The following CDH18 variants were observed in gnomAD, a reference collection of about 807,000 sequenced individuals.
The protein encoded by CDH18 is cadherin 18.
Under a neutral mutation model 67.9 loss-of-function variants are expected in CDH18, and 31 were observed. The ratio of observed to expected loss-of-function variants is 0.46; its 90% CI spans 0.34 to 0.62. CDH18 has a LOEUF of 0.62. Ranked by LOEUF, CDH18 falls within the 20% of genes least tolerant of loss-of-function variation. The pLI is 0.01. For synonymous variants in CDH18, 362 were observed against 347.2 expected (o/e 1.04, Z -0.48); for missense variants, 890 against 975.5 (o/e 0.91, Z 1.17).
chr5:19,803,255 T>G (rs191139317), intron 3 of CDH18, among the ~76,000 whole-genome samples: 1 of 152,340 alleles, frequency 6.6e-6, no homozygotes, highest in Admixed American at 6.5e-5. Flanking sequence ...GAGTTAGGTA[T>G]TAGATTCATA....
chr5:20,128,595 A>C (rs6451677), intron 2 of CDH18, among the ~76,000 whole-genome samples: 1 of 151,854 alleles, frequency 6.6e-6, no homozygotes, highest in Non-Finnish European at 1.5e-5. Context: ...ACATTTCTCT[A>C]TCTCTGACAC....
chr5:20,480,173 G>A (rs1269100144), intron 1 of CDH18, among the ~76,000 whole-genome samples: 4 of 152,176 alleles, frequency 2.6e-5, no homozygotes, highest in Admixed American at 6.5e-5. Context: ...ATATTTATGA[G>A]CAATAAGAAA....
At chr5:20,319,364 G>A (rs962953375) in intron 1 of CDH18, among the ~76,000 whole-genome samples, 1 of 151,908 alleles carries the variant, frequency 6.6e-6, no homozygotes, top group African/African-American at 2.4e-5. Flanking sequence ...ATACCTTTTT[G>A]ATTCAATTTC....
chr5:20,362,261 C>G (rs1742147432), intron 1 of CDH18, among the ~76,000 whole-genome samples: 1 of 152,080 alleles, frequency 6.6e-6, no homozygotes, highest in Admixed American at 6.5e-5. Context: ...ACATAGTACA[C>G]TGTGGCACAG....
In CDH18 at chr5:20,524,301, A is replaced by G. The variant is rs555576092; in HGVS notation, c.-580+51161T>C. On this transcript the variant is annotated intron_variant, in intron 1 of 14. Coordinates refer to the CDH18 transcript ENST00000507958. ...AATTAGTTTTCTTAGATTCAGATAT[A>G]TCTTTAAACACAGGACAATAACCAT... Among the ~76,000 whole-genome samples the G allele has an allele frequency of 6.1e-4, 93 of 152,306 alleles. 2 individuals carry two copies. Among genetic ancestry groups the G allele is most frequent in the African/African-American group, 2.2e-3 (92 of 41,588 alleles).
chr5:19,729,972 G>C (rs1310182108), intron 4 of CDH18, among the ~76,000 whole-genome samples: 1 of 151,708 alleles, frequency 6.6e-6, no homozygotes, highest in South Asian at 2.1e-4. Context: ...CAATCTCTCT[G>C]TCTCTGCCTT....
chr5:20,514,111 TCTA>T (rs1315248658), intron 1 of CDH18, among the ~76,000 whole-genome samples: 1 of 152,172 alleles, frequency 6.6e-6, no homozygotes. Context: ...TAAATTATTC[TCTA>T]CTGTTTTTAA....
chr5:20,161,940 G>A (rs1476931813), intron 2 of CDH18, among the ~76,000 whole-genome samples: 1 of 151,878 alleles, frequency 6.6e-6, no homozygotes, highest in Non-Finnish European at 1.5e-5. Flanking sequence ...AATTCTCAGT[G>A]ATTTTTTTTT....
intron 2 of CDH18, among the ~76,000 whole-genome samples, chr5:20,158,184 G>A (rs55837305): frequency 0.051 from 7,742 of 152,194 alleles, 230 homozygotes; most frequent in East Asian, 0.14. Context: ...TCATGTTGGA[G>A]TTGATTTCTA....
intron 9 of CDH18, among the ~76,000 whole-genome samples, chr5:19,540,149 G>A (rs539093363): frequency 3.6e-4 from 55 of 152,230 alleles, no homozygotes; most frequent in African/African-American, 1.1e-3. Context: ...AAAATTGGCC[G>A]AAACAAAGGG....
chr5:20,547,287 G>T (rs1358907594), intron 1 of CDH18, among the ~76,000 whole-genome samples: 2 of 152,036 alleles, frequency 1.3e-5, no homozygotes, highest in African/African-American at 4.8e-5. Context: ...AAACTGGCCA[G>T]GCATGGTGCT....
At chr5:19,910,433 T>C (rs1201979965) in intron 2 of CDH18, among the ~76,000 whole-genome samples, 4 of 152,176 alleles carry the variant, frequency 2.6e-5, no homozygotes. Context: ...TGTGGAGATT[T>C]AGCTGCTTTT....
chr5:20,480,194 GT>G (rs1167904684), intron 1 of CDH18, among the ~76,000 whole-genome samples: 4 of 152,066 alleles, frequency 2.6e-5, no homozygotes, highest in Non-Finnish European at 4.4e-5. Context: ...GTATTTGAAG[GT>G]AAAAATCACA....
Position 20,231,523 on chromosome 5 carries a change from C to T in CDH18, c.-518+23921G>A, listed in dbSNP as rs142439345. The stretch of plus-strand genomic sequence containing the variant: ...CTGAGACAGGAGAATCTCTTGAACC[C>T]GGGAGGCGGAGGTTGCAGTGAGCCA... On this transcript the variant is annotated intron_variant, in intron 2 of 14. Transcript: ENST00000507958. Among the ~76,000 whole-genome samples the T allele has an allele frequency of 5.7e-3, 860 of 151,662 alleles. 9 individuals are homozygous for T. Among genetic ancestry groups the T allele is most frequent in the African/African-American group, 0.02 (817 of 41,346 alleles).
At chr5:19,698,465 C>A (rs1762815528) in intron 5 of CDH18, among the ~76,000 whole-genome samples, 1 of 151,924 alleles carries the variant, frequency 6.6e-6, no homozygotes. Flanking sequence ...ATATCAAAAG[C>A]TAATTTGGCT....
At chr5:19,520,096 C>T (rs1746654372) in intron 10 of CDH18, among the ~76,000 whole-genome samples, 1 of 152,140 alleles carries the variant, frequency 6.6e-6, no homozygotes, top group African/African-American at 2.4e-5. Flanking sequence ...TTGCTATAGG[C>T]AACCAGCCTT....
Position 20,567,190 on chromosome 5 carries a change from T to C in CDH18, c.-580+8272A>G, listed in dbSNP as rs139039204. Among the ~76,000 whole-genome samples, 471 of 152,256 alleles carry C rather than the reference T, an allele frequency of 3.1e-3. 1 individual carries two copies. Among genetic ancestry groups the C allele is most frequent in the African/African-American group, 0.011 (447 of 41,544 alleles). On this transcript the variant is annotated intron_variant, in intron 1 of 14. Transcript: ENST00000507958. ...GAAGGAAACAGCGAGGTAACAAATA[T>C]TTTAAATGTTGGAAGCAGCCACCAT...
chr5:19,619,501 A>G (rs1413642015), intron 5 of CDH18, among the ~76,000 whole-genome samples: 1 of 152,204 alleles, frequency 6.6e-6, no homozygotes, highest in East Asian at 1.9e-4. Flanking sequence ...GGCACTTGAC[A>G]TGAACCCAGG....
chr5:20,293,736 G>A (rs964229766), intron 1 of CDH18, among the ~76,000 whole-genome samples: 5 of 152,126 alleles, frequency 3.3e-5, no homozygotes, highest in African/African-American at 7.2e-5. Flanking sequence ...TGGCATAACC[G>A]ATGCTTTTGA....
Sources: allele counts gnomAD v4.1 joint callset (sites outside exome capture counted in the v4.1 genomes callset), GRCh38; gene constraint gnomAD v4.1.1; transcripts MANE v1.5; gene names NCBI Gene and HGNC (gene_info 2026-07-23, HGNC 2026-07-21).